Variants in PCDHGB1 observed in about 807,000 individuals in gnomAD.
The protein encoded by PCDHGB1 is protocadherin gamma subfamily B, 1.
A neutral mutation model predicts 56.6 loss-of-function variants in PCDHGB1; 34 were observed. The observed-to-expected ratio is 0.60, with a 90% CI of 0.46 to 0.80. The LOEUF (loss-of-function observed/expected upper bound fraction) is 0.80. Among genes scored for constraint, PCDHGB1 ranks in the 30% least tolerant of loss-of-function variants. The pLI, the probability that PCDHGB1 is intolerant of heterozygous loss-of-function variation, is 0.00. For synonymous variants in PCDHGB1, 561 were observed against 505.9 expected, an observed-to-expected ratio of 1.11 and a Z score of -1.46; for missense variants, 1,278 against 1,204.6, an observed-to-expected ratio of 1.06 and a Z score of -0.90.
chr5:141,408,871 T>C, intron 1 of PCDHGB1: 2 of 1,612,784 alleles, frequency 1.2e-6, no homozygotes, highest in Non-Finnish European at 1.7e-6. Flanking sequence ...CACCAAGAAG[T>C]GCCACCGCTC....
chr5:141,473,848 A>T (rs1281010822), intron 1 of PCDHGB1, among the ~76,000 whole-genome samples: 1 of 152,198 alleles, frequency 6.6e-6, no homozygotes, highest in Non-Finnish European at 1.5e-5. Flanking sequence ...TTTTAGGAAG[A>T]TGAACCTCGC....
rs372235829 is a variant in PCDHGB1, at chr5:141,381,798, C to CTCTTTCTTTCTT, written c.2409+29142_2409+29153dup. On this transcript the variant is annotated intron_variant, in intron 1 of 3. Transcript: ENST00000523390. ...ATCAGGAACAAGGCAAGGCAATTCC[C>CTCTTTCTTTCTT]TCTTTCTTTCTTTCTTTCTTTCTTC... 5.9e-4 allele frequency among the ~76,000 whole-genome samples: 85 copies of CTCTTTCTTTCTT among 144,150 alleles called. 1 individual carries two copies. Among genetic ancestry groups the CTCTTTCTTTCTT allele is most frequent in the African/African-American group, 2.2e-3 (83 of 37,512 alleles). 94.6% of individuals were successfully genotyped at this position (144,150 alleles called of 152,430 possible).
At chr5:141,397,920 T>A (rs2093586320) in intron 1 of PCDHGB1, 15 of 727,102 alleles carry the variant, frequency 2.1e-5, no homozygotes, top group Non-Finnish European at 3.3e-5. Flanking sequence ...CCAGATCTCC[T>A]CGCGCAGCCG....
In PCDHGB1 at chr5:141,493,145, AG is replaced by A. The variant is rs11350413; in HGVS notation, c.2410-1660del. Among the ~76,000 whole-genome samples the A allele has an allele frequency of 0.17, 26,475 of 152,128 alleles. 2,528 individuals carry two copies. The highest frequency in any genetic ancestry group is 0.28 in the Admixed American group (4,206 of 15,272). ...TAGGACTGTATTTTGAAACACCCCC[AG>A]GTGATTTTGATAGCTGATTGAGAGA... is the stretch of plus-strand genomic sequence containing the variant. On this transcript the variant is annotated intron_variant, in intron 1 of 3. Transcript: ENST00000523390. The surrounding 1 kb of genome is among the most constrained non-coding windows in gnomAD (Gnocchi z 4.3).
intron 1 of PCDHGB1, chr5:141,359,902 C>G: frequency 2.5e-6 from 1 of 408,138 alleles, no homozygotes; most frequent in East Asian, 3.6e-5. Context: ...ATTGACAAGC[C>G]ATTAGTGCAG....
At chr5:141,402,971 T>A (rs1589470573) in intron 1 of PCDHGB1, 1 of 1,608,252 alleles carries the variant, frequency 6.2e-7, no homozygotes, top group East Asian at 2.2e-5. Flanking sequence ...TCCAACCAAA[T>A]GCCAGCTCCG....
At chr5:141,365,560 GGACAGAGAAGA>G in intron 1 of PCDHGB1, 1 of 1,613,652 alleles carries the variant, frequency 6.2e-7, no homozygotes, top group Non-Finnish European at 8.5e-7. Context: ...CTAGGGACCT[GGACAGAGAAGA>G]GACTTCAGAT....
chr5:141,505,589 C>T, intron 3 of PCDHGB1, 108 bp downstream of exon 3: 1 of 1,573,272 alleles, frequency 6.4e-7, no homozygotes, highest in Non-Finnish European at 8.6e-7. Context: ...GTAGTTTCTC[C>T]AGATCTTTCG....
At chr5:141,421,271 T>G in intron 1 of PCDHGB1, 1 of 1,612,330 alleles carries the variant, frequency 6.2e-7, no homozygotes, top group Non-Finnish European at 8.5e-7. Context: ...CGGCTGCTGC[T>G]GCTGCTGTGC....
At chr5:141,412,434 A>C (rs2095556498) in intron 1 of PCDHGB1, 1 of 152,240 alleles carries the variant, frequency 6.6e-6, no homozygotes, top group Admixed American at 6.5e-5. Flanking sequence ...CAAAAAGGTT[A>C]ATTAAGGCTC....
Position 141,490,330 on chromosome 5 carries a change from C to T in PCDHGB1, c.2410-4477C>T, listed in dbSNP as rs2099698666. ...GGCCAACCCTGTCCTAGAGAGCACA[C>T]CAGTGGGCACAGTAGTGGGGTTGTT... is the stretch of plus-strand genomic sequence containing the variant. On this transcript the variant is annotated intron_variant, in intron 1 of 3. Transcript: ENST00000523390. The surrounding 1 kb of genome is among the most constrained non-coding windows in gnomAD (Gnocchi z 5.4). 6.2e-7 allele frequency: 1 copy of T among 1,614,080 alleles called. No individual in the cohort carries two copies. Among genetic ancestry groups the T allele is most frequent in the Non-Finnish European group, 8.5e-7 (1 of 1,180,042 alleles).
Position 141,485,574 on chromosome 5 carries a change from C to T in PCDHGB1, c.2410-9233C>T. 1 of 1,612,568 alleles carries T rather than the reference C, an allele frequency of 6.2e-7. No homozygotes were observed. Among genetic ancestry groups the T allele is most frequent in the Non-Finnish European group, 8.5e-7 (1 of 1,178,752 alleles). On this transcript the variant is annotated intron_variant, in intron 1 of 3. Transcript: ENST00000523390. This position sits in a 1 kb window ranked among gnomAD's most constrained non-coding sequence, Gnocchi z 5.7. ...GTGAATGATCACGCCCCCCGTTTTCCGCGGCAGCAGCTGGACTTGGAAATT... is the reference window on the plus strand; with the variant it reads ...GTGAATGATCACGCCCCCCGTTTTCTGCGGCAGCAGCTGGACTTGGAAATT...
Position 141,351,341 on chromosome 5 carries a change from G to C in PCDHGB1, c.1081G>C (p.Val361Leu). The change falls in exon 1 of 4, where the codon GTA becomes CTA. Residue 361 changes from valine (V) to leucine (L), a missense_variant. By Grantham distance (32) the Val-to-Leu change is conservative (BLOSUM62 1). Transcript: ENST00000523390. ...TCCAGAGGATTCAGACCTTGGAACT[G>C]TAATAGCCCTCATAAAAGTGCGAGA... The part of the protein sequence containing the change: ...QIPEDSDLGT[V>L]IALIKVRDKD... 14 of 1,613,508 alleles carry C rather than the reference G, an allele frequency of 8.7e-6. No individual in the cohort carries two copies. The highest frequency in any genetic ancestry group is 1.1e-5 in the Non-Finnish European group (13 of 1,179,648).
intron 2 of PCDHGB1, among the ~76,000 whole-genome samples, chr5:141,497,614 A>C (rs1377740795): frequency 6.8e-6 from 1 of 146,530 alleles, no homozygotes; most frequent in African/African-American, 2.6e-5. Context: ...ATCTTGGCTC[A>C]CTGCAACCTC....
intron 1 of PCDHGB1, chr5:141,414,994 T>G (rs1390374290): frequency 6.2e-7 from 1 of 1,613,744 alleles, no homozygotes; most frequent in South Asian, 1.1e-5. Flanking sequence ...CCAGAACGCC[T>G]GGCTGTCCTA....
At chr5:141,356,557 C>T in intron 1 of PCDHGB1, 1 of 1,614,138 alleles carries the variant, frequency 6.2e-7, no homozygotes, top group Non-Finnish European at 8.5e-7. Flanking sequence ...ACCCACTTTC[C>T]CTCATGCTTC....
At chr5:141,427,965 C>G in intron 1 of PCDHGB1, 1 of 1,590,342 alleles carries the variant, frequency 6.3e-7, no homozygotes, top group Non-Finnish European at 8.6e-7. Flanking sequence ...GCCGCGGGTG[C>G]TGTACCCCGC....
At chr5:141,408,971 C>G (rs763728764) in intron 1 of PCDHGB1, 4 of 1,613,698 alleles carry the variant, frequency 2.5e-6, no homozygotes, top group Non-Finnish European at 3.4e-6. Flanking sequence ...AAATCTGCCC[C>G]CTGGGTCCCC....
intron 1 of PCDHGB1, chr5:141,411,445 G>A (rs926329934): frequency 1.3e-5 from 2 of 151,656 alleles, no homozygotes; most frequent in South Asian, 2.1e-4. Flanking sequence ...TTAGCAGAGT[G>A]TGGTAGCATT....
Sources: allele counts gnomAD v4.1 joint callset (sites outside exome capture counted in the v4.1 genomes callset), GRCh38; gene constraint gnomAD v4.1.1; non-coding constraint Gnocchi (gnomAD v3.1); transcripts MANE v1.5; gene names NCBI Gene and HGNC (gene_info 2026-07-23, HGNC 2026-07-21).